The following CNOT4 variants were observed in gnomAD, a reference collection of about 807,000 sequenced individuals.
The protein encoded by CNOT4 is CCR4-associated factor 4.
A neutral mutation model predicts 73.8 loss-of-function variants in CNOT4; 8 were observed. The ratio of observed to expected loss-of-function variants is 0.11; its 90% CI spans 0.06 to 0.20. The LOEUF (loss-of-function observed/expected upper bound fraction) is 0.20. Among genes scored for constraint, CNOT4 ranks in the 10% least tolerant of loss-of-function variants. The pLI is 1.00. For missense variants in CNOT4, 564 were observed against 883.4 expected (o/e 0.64, Z 4.58); for synonymous variants, 293 against 321.1 (o/e 0.91, Z 0.94).
chr7:135,476,309 T>G (rs896706135), intron 1 of CNOT4, among the ~76,000 whole-genome samples: 1 of 152,174 alleles, frequency 6.6e-6, no homozygotes, highest in Admixed American at 6.5e-5. Flanking sequence ...ACAACTGATA[T>G]GGTAATACAC....
intron 1 of CNOT4, among the ~76,000 whole-genome samples, chr7:135,480,018 A>T (rs1802264759): frequency 1.3e-5 from 2 of 152,240 alleles, no homozygotes; most frequent in African/African-American, 4.8e-5. Context: ...CTGGCTTTAA[A>T]CTACTAACAA....
intron 1 of CNOT4, among the ~76,000 whole-genome samples, chr7:135,482,596 CA>C (rs889485949): frequency 5.4e-5 from 8 of 149,000 alleles, no homozygotes; most frequent in African/African-American, 2.0e-4. Flanking sequence ...AGCCAGGTAT[CA>C]AAACCAGACA....
intron 1 of CNOT4, among the ~76,000 whole-genome samples, chr7:135,452,699 A>G (rs1800250497): frequency 2.0e-5 from 3 of 152,230 alleles, no homozygotes; most frequent in Admixed American, 2.0e-4. Flanking sequence ...GAAAAACTAT[A>G]TTAAATTAGT....
At chr7:135,496,971 T>A (rs1803626825) in intron 1 of CNOT4, among the ~76,000 whole-genome samples, 1 of 151,924 alleles carries the variant, frequency 6.6e-6, no homozygotes, top group Non-Finnish European at 1.5e-5. Context: ...CAAGCCTGGA[T>A]AATTATTTTT....
At chr7:135,489,750 T>C (rs1295558219) in intron 1 of CNOT4, among the ~76,000 whole-genome samples, 1 of 152,146 alleles carries the variant, frequency 6.6e-6, no homozygotes, top group Non-Finnish European at 1.5e-5. Context: ...GGTACCATAC[T>C]GGACAATAAA....
Position 135,438,371 on chromosome 7 carries a change from T to G in CNOT4, c.-40A>C, listed in dbSNP as rs745586702. 1.2e-5 allele frequency: 19 copies of G among 1,530,692 alleles called. No individual in the cohort carries two copies. Among genetic ancestry groups the G allele is most frequent in the Non-Finnish European group, 1.7e-5 (19 of 1,133,918 alleles). The allele number at this position is 1,530,692 out of a possible 1,614,324, so 94.8% of individuals were successfully genotyped here. ...AACAGCAGCAAAAGTTTATAATAAT[T>G]TAAGGGAGAAGGAAGTTCAGCACTG... On this transcript the variant is annotated 5_prime_UTR_variant, in exon 2 of 12. Transcript: ENST00000541284.
chr7:135,362,169 A>T lies in CNOT4; in HGVS notation c.*716T>A, dbSNP rs931183344. On this transcript the variant is annotated 3_prime_UTR_variant, in exon 12 of 12. Coordinates refer to ENST00000541284, the MANE Select transcript of CNOT4 (RefSeq NM_001190850.2). ...ATCTGTGAATACTTTTTTCTTTAAA[A>T]CATTTCAATTTACTTTAAATCTAAA... The T allele has an allele frequency of 6.5e-6, 1 of 152,712 alleles. No homozygotes were observed. Among genetic ancestry groups the T allele is most frequent in the African/African-American group, 2.4e-5 (1 of 41,446 alleles). 9.5% of individuals were successfully genotyped at this position (152,712 alleles called of 1,614,324 possible). A position where few individuals can be genotyped will look rare whatever the true frequency, so the allele number is the denominator to read the frequency against.
intron 1 of CNOT4, among the ~76,000 whole-genome samples, chr7:135,470,100 G>C (rs146805308): frequency 6.6e-6 from 1 of 151,984 alleles, no homozygotes; most frequent in East Asian, 1.9e-4. Context: ...TGGGATTACA[G>C]GAGTGAGACA....
intron 1 of CNOT4, among the ~76,000 whole-genome samples, chr7:135,465,938 A>G (rs1369869287): frequency 6.6e-6 from 1 of 151,664 alleles, no homozygotes; most frequent in African/African-American, 2.4e-5. Context: ...AATCCCAGCT[A>G]CTCTGGAGGC....
intron 10 of CNOT4, chr7:135,384,175 C>T (rs1228486507): frequency 6.5e-6 from 1 of 152,748 alleles, no homozygotes; most frequent in Admixed American, 6.5e-5. Flanking sequence ...AACAATAATG[C>T]ATTTTAATAA....
chr7:135,477,457 T>C (rs898310843), intron 1 of CNOT4, among the ~76,000 whole-genome samples: 1 of 152,208 alleles, frequency 6.6e-6, no homozygotes, highest in African/African-American at 2.4e-5. Flanking sequence ...TAAAAACCAC[T>C]GTAAACAATT....
intron 1 of CNOT4, among the ~76,000 whole-genome samples, chr7:135,454,743 T>G (rs1362543634): frequency 6.6e-6 from 1 of 151,654 alleles, no homozygotes; most frequent in Non-Finnish European, 1.5e-5. Context: ...AGTACAATAA[T>G]GAGCTGGGTA....
chr7:135,486,254 C>CA (rs1168298286), intron 1 of CNOT4, among the ~76,000 whole-genome samples: 1 of 151,918 alleles, frequency 6.6e-6, no homozygotes, highest in Non-Finnish European at 1.5e-5. Flanking sequence ...AAGACACAAA[C>CA]AGACAATTCA....
At chr7:135,413,694 T>C (rs960042043) in intron 5 of CNOT4, 81 bp from the exon 6 acceptor site, 2 of 1,404,590 alleles carry the variant, frequency 1.4e-6, no homozygotes, top group Non-Finnish European at 9.7e-7. Context: ...TTTAGTGTTT[T>C]CAAGTCACCT....
chr7:135,455,964 A>ACAC (rs1165418415), intron 1 of CNOT4, among the ~76,000 whole-genome samples: 10 of 152,344 alleles, frequency 6.6e-5, no homozygotes, highest in African/African-American at 2.2e-4. Context: ...AAACTCACTT[A>ACAC]CACCACTGCC....
chr7:135,418,554 AAATG>A (rs964940779), intron 3 of CNOT4, among the ~76,000 whole-genome samples: 1 of 152,230 alleles, frequency 6.6e-6, no homozygotes, highest in African/African-American at 2.4e-5. Context: ...ATGAGTGAAT[AAATG>A]AATGGATGGA....
chr7:135,367,402 T>C (rs1585539182), intron 10 of CNOT4, among the ~76,000 whole-genome samples: 1 of 152,128 alleles, frequency 6.6e-6, no homozygotes, highest in African/African-American at 2.4e-5. Context: ...ACATTGTAGA[T>C]AGGTTGTATA....
intron 7 of CNOT4, among the ~76,000 whole-genome samples, chr7:135,410,204 G>A (rs1797518824): frequency 6.6e-6 from 1 of 152,078 alleles, no homozygotes; most frequent in African/African-American, 2.4e-5. Context: ...TAGGTAATCA[G>A]AGCCTTTTAA....
At chr7:135,401,441 C>T (rs1291715972) in intron 7 of CNOT4, among the ~76,000 whole-genome samples, 4 of 152,164 alleles carry the variant, frequency 2.6e-5, no homozygotes, top group African/African-American at 9.7e-5. Flanking sequence ...AGATAAATTG[C>T]ACAGGGCTTT....
Sources: allele counts gnomAD v4.1 joint callset (sites outside exome capture counted in the v4.1 genomes callset), GRCh38; gene constraint gnomAD v4.1.1; transcripts MANE v1.5; gene names NCBI Gene and HGNC (gene_info 2026-07-23, HGNC 2026-07-21).